PAMR1: variants seen among roughly 807,000 people sequenced by gnomAD.
The protein encoded by PAMR1 is inactive serine protease PAMR1.
A neutral mutation model predicts 81.8 loss-of-function variants in PAMR1; 88 were observed. The ratio of observed to expected loss-of-function variants is 1.08; its 90% CI spans 0.91 to 1.28. The LOEUF (loss-of-function observed/expected upper bound fraction) is 1.28, where lower values mean the gene tolerates loss of function less well. PAMR1 is among the 50% of genes most tolerant of loss of function. The pLI is 0.00. For missense variants in PAMR1, 935 were observed against 919.7 expected, an observed-to-expected ratio of 1.02 and a Z score of -0.21; for synonymous variants, 336 against 345.3, an observed-to-expected ratio of 0.97 and a Z score of 0.30.
chr11:35,530,032 A>G (rs1176190519), upstream of PAMR1: 2 of 152,234 alleles, frequency 1.3e-5, no homozygotes, highest in African/African-American at 2.4e-5. Flanking sequence ...TCTCCCAGCT[A>G]TCACTTCTGC....
At chr11:35,521,663 G>C (rs1851281370) in intron 1 of PAMR1, among the ~76,000 whole-genome samples, 1 of 152,160 alleles carries the variant, frequency 6.6e-6, no homozygotes, top group African/African-American at 2.4e-5. Context: ...ACAGGAGCTA[G>C]CAAGGGCTCT....
intron 6 of PAMR1, among the ~76,000 whole-genome samples, chr11:35,464,026 C>T (rs537749382): frequency 1.1e-4 from 16 of 152,244 alleles, no homozygotes; most frequent in African/African-American, 2.9e-4. Flanking sequence ...ATGAATGGCT[C>T]GTCTTCTAAA....
chr11:35,448,576 G>C (rs1475258817), intron 6 of PAMR1, among the ~76,000 whole-genome samples: 1 of 152,072 alleles, frequency 6.6e-6, no homozygotes, highest in Non-Finnish European at 1.5e-5. Flanking sequence ...TTTGCATTGG[G>C]TTAGAACTTA....
At chr11:35,458,742 G>A (rs556328804) in intron 6 of PAMR1, among the ~76,000 whole-genome samples, 1 of 152,328 alleles carries the variant, frequency 6.6e-6, no homozygotes, top group South Asian at 2.1e-4. Flanking sequence ...CAGAATTTTG[G>A]TTCTGTTTAG....
intron 6 of PAMR1, among the ~76,000 whole-genome samples, chr11:35,464,131 A>G (rs766164687): frequency 6.6e-6 from 1 of 152,228 alleles, no homozygotes; most frequent in Non-Finnish European, 1.5e-5. Context: ...TTATCTTACA[A>G]AAATATTTCT....
chr11:35,472,896 C>T (rs1850214375), intron 4 of PAMR1, among the ~76,000 whole-genome samples: 1 of 152,106 alleles, frequency 6.6e-6, no homozygotes, highest in East Asian at 1.9e-4. Flanking sequence ...CTATAGGAAG[C>T]CTCTGAAAGG....
At chr11:35,529,944 G>A (rs1270854994), upstream of PAMR1, 2 of 152,234 alleles carry the variant, frequency 1.3e-5, no homozygotes, top group African/African-American at 2.4e-5. Context: ...AGTGCCACCA[G>A]GGAGGCTGGT....
At chr11:35,525,482 C>T in intron 1 of PAMR1, 31 bp downstream of exon 1, 2 of 1,597,614 alleles carry the variant, frequency 1.3e-6, no homozygotes, top group South Asian at 1.1e-5. Context: ...AGGGTGTCCT[C>T]CTAGGGTGTC....
intron 6 of PAMR1, chr11:35,451,750 G>A (rs1565331550): frequency 1.9e-6 from 1 of 514,254 alleles, no homozygotes; most frequent in South Asian, 2.9e-5. Flanking sequence ...GGGCATTTGG[G>A]AGTAGATTAG....
chr11:35,486,349 C>T (rs1221766204), intron 3 of PAMR1, among the ~76,000 whole-genome samples: 1 of 152,166 alleles, frequency 6.6e-6, no homozygotes, highest in Admixed American at 6.5e-5. Flanking sequence ...ATAGCATTGA[C>T]CACATTCTAT....
intron 1 of PAMR1, among the ~76,000 whole-genome samples, chr11:35,515,100 T>C (rs1851138786): frequency 6.6e-6 from 1 of 152,202 alleles, no homozygotes; most frequent in Non-Finnish European, 1.5e-5. Flanking sequence ...AAATATAAGC[T>C]ATACCCTAAA....
At chr11:35,457,309 G>T (rs1027302525) in intron 6 of PAMR1, among the ~76,000 whole-genome samples, 1 of 151,786 alleles carries the variant, frequency 6.6e-6, no homozygotes, top group Non-Finnish European at 1.5e-5. Flanking sequence ...GAATGCTTGA[G>T]GGGGAATCCA....
At chr11:35,436,637 G>T (rs1478599593) in intron 8 of PAMR1, among the ~76,000 whole-genome samples, 1 of 142,558 alleles carries the variant, frequency 7.0e-6, no homozygotes, top group East Asian at 2.1e-4. Context: ...CTGTCTCTCT[G>T]TTTCTCTCTC....
chr11:35,473,387 C>T (rs1287327324), intron 4 of PAMR1, among the ~76,000 whole-genome samples: 2 of 152,166 alleles, frequency 1.3e-5, no homozygotes, highest in African/African-American at 2.4e-5. Context: ...TTTGGAGAAG[C>T]TCCTCAGAGG....
chr11:35,502,617 T>G (rs908346947), intron 1 of PAMR1, among the ~76,000 whole-genome samples: 2 of 152,200 alleles, frequency 1.3e-5, no homozygotes, highest in African/African-American at 4.8e-5. Context: ...TGCATACTAT[T>G]CCATGGTGTA....
chr11:35,437,337 C>T lies in PAMR1; in HGVS notation c.1101-1202G>A, dbSNP rs546587765. The stretch of plus-strand genomic sequence containing the variant: ...AGGCACGCAGTAAAGAAACTTGGTA[C>T]CCAAGGCAGTGCTTACCAGTCACAA... On this transcript the variant is annotated intron_variant, in intron 8 of 10. Coordinates refer to ENST00000619888, the MANE Select transcript of PAMR1 (RefSeq NM_001001991.3). 3.9e-5 allele frequency among the ~76,000 whole-genome samples: 6 copies of T among 152,318 alleles called. No homozygotes were observed. The South Asian group carries it at 1.2e-3, about 32-fold the overall frequency.
chr11:35,528,221 C>T (rs1851421301), upstream of PAMR1, among the ~76,000 whole-genome samples: 1 of 152,164 alleles, frequency 6.6e-6, no homozygotes, highest in Non-Finnish European at 1.5e-5. Flanking sequence ...GTTCTCCCCC[C>T]ATTTTCCTAA....
intron 3 of PAMR1, among the ~76,000 whole-genome samples, chr11:35,480,823 T>G (rs1850376539): frequency 6.6e-6 from 1 of 152,168 alleles, no homozygotes; most frequent in Non-Finnish European, 1.5e-5. Flanking sequence ...CTGCATGCAT[T>G]AGATATTTGT....
chr11:35,508,866 G>T (rs1487315216), intron 1 of PAMR1, among the ~76,000 whole-genome samples: 1 of 152,098 alleles, frequency 6.6e-6, no homozygotes, highest in Non-Finnish European at 1.5e-5. Context: ...CCATGTTGCT[G>T]TGAAGGACTT....
Sources: allele counts gnomAD v4.1 joint callset (sites outside exome capture counted in the v4.1 genomes callset), GRCh38; gene constraint gnomAD v4.1.1; transcripts MANE v1.5; gene names NCBI Gene and HGNC (gene_info 2026-07-23, HGNC 2026-07-21).